FRAS1: variants seen among roughly 807,000 people sequenced by gnomAD.
FRAS1 encodes extracellular matrix organizing protein FRAS1.
FRAS1 carries 290 observed loss-of-function variants against 435.2 expected under a neutral mutation model. The observed-to-expected ratio is 0.67, with a 90% confidence interval of 0.61 to 0.73. The LOEUF (loss-of-function observed/expected upper bound fraction) is 0.73. FRAS1 is among the 30% of genes least tolerant of loss of function. The pLI, the probability that FRAS1 is intolerant of heterozygous loss-of-function variation, is 0.00. For synonymous variants in FRAS1, 1,800 were observed against 1,851.0 expected (o/e 0.97, Z 0.71); for missense variants, 4,860 against 5,001.5 (o/e 0.97, Z 0.85).
chr4:78,112,443 G>C (rs1398154219), intron 2 of FRAS1, among the ~76,000 whole-genome samples: 1 of 152,036 alleles, frequency 6.6e-6, no homozygotes, highest in Non-Finnish European at 1.5e-5. Context: ...GAGCTTTTCT[G>C]TTAGGTGACT....
At chr4:78,131,211 T>C (rs1005356971) in intron 2 of FRAS1, among the ~76,000 whole-genome samples, 2 of 152,182 alleles carry the variant, frequency 1.3e-5, no homozygotes, top group Non-Finnish European at 2.9e-5. Flanking sequence ...TATGTATATA[T>C]GCACATATAT....
chr4:78,346,351 G>A (rs1730604900), intron 20 of FRAS1, among the ~76,000 whole-genome samples: 2 of 152,188 alleles, frequency 1.3e-5, no homozygotes, highest in Admixed American at 6.5e-5. Context: ...AGTTGGTCCT[G>A]TGATTAGTAC....
intron 71 of FRAS1, among the ~76,000 whole-genome samples, chr4:78,535,850 G>A (rs1355194150): frequency 6.6e-6 from 1 of 152,064 alleles, no homozygotes; most frequent in Non-Finnish European, 1.5e-5. Context: ...TCCTCAGCAC[G>A]GTTTGTCTAT....
intron 1 of FRAS1, among the ~76,000 whole-genome samples, chr4:78,060,455 CAGAG>C (rs1435123097): frequency 6.6e-6 from 1 of 152,184 alleles, no homozygotes; most frequent in Non-Finnish European, 1.5e-5. Context: ...TCTCAGTGCA[CAGAG>C]AGAACAATTG....
chr4:78,193,657 A>G (rs1180021596), intron 2 of FRAS1, among the ~76,000 whole-genome samples: 4 of 152,104 alleles, frequency 2.6e-5, no homozygotes, highest in Non-Finnish European at 5.9e-5. Context: ...TTTTGAGCCT[A>G]TGTGTGTCCC....
At chr4:78,284,616 T>A (rs1214311382) in intron 13 of FRAS1, 68 bp downstream of exon 13, 5 of 1,431,608 alleles carry the variant, frequency 3.5e-6, no homozygotes, top group South Asian at 1.5e-5. Flanking sequence ...AGGTTGTGAT[T>A]CTTAAACTGA....
intron 2 of FRAS1, among the ~76,000 whole-genome samples, chr4:78,152,607 CTTT>C (rs71214398): frequency 0.031 from 2,228 of 72,374 alleles, 35 homozygotes; most frequent in African/African-American, 0.097. Context: ...ATGTAGGCTG[CTTT>C]TTTTTTTTTT....
rs1046311239 is a variant in FRAS1 at position 78,183,072 on chromosome 4, A to T, written c.109-54438A>T. On this transcript the variant is annotated intron_variant, in intron 2 of 73. Coordinates refer to ENST00000512123, the MANE Select transcript of FRAS1 (RefSeq NM_025074.7). ...TAAGACAGGAGGAAAACCAGGAGAG[A>T]GCAATGCCGCAGAAGTCTCTGATGT... Among the ~76,000 whole-genome samples the T allele has an allele frequency of 2.0e-5, 3 of 152,192 alleles. No homozygotes were observed. In the East Asian group the frequency reaches 5.8e-4, roughly 29 times the overall value.
At chr4:78,336,583 T>C (rs141942652) in intron 19 of FRAS1, among the ~76,000 whole-genome samples, 6 of 152,258 alleles carry the variant, frequency 3.9e-5, no homozygotes, top group African/African-American at 1.4e-4. Context: ...GCCTCAGGAA[T>C]GTAGGAGGGG....
intron 42 of FRAS1, chr4:78,446,474 T>C (rs1051998206): frequency 2.9e-5 from 37 of 1,279,048 alleles, no homozygotes; most frequent in Admixed American, 4.1e-5. Context: ...GAAAATATGG[T>C]CATTGTACTT....
chr4:78,201,247 A>C (rs752509506), intron 2 of FRAS1, among the ~76,000 whole-genome samples: 16 of 152,216 alleles, frequency 1.1e-4, no homozygotes, highest in Non-Finnish European at 2.2e-4. Flanking sequence ...ACTTTGATGA[A>C]ATGCTTATTT....
intron 4 of FRAS1, among the ~76,000 whole-genome samples, chr4:78,250,553 A>G (rs1725485624): frequency 6.6e-6 from 1 of 152,218 alleles, no homozygotes; most frequent in Non-Finnish European, 1.5e-5. Flanking sequence ...TGAAATTAGT[A>G]GGTCAAGGCA....
At chr4:78,457,982 A>G (rs1034261106) in intron 47 of FRAS1, among the ~76,000 whole-genome samples, 1 of 152,192 alleles carries the variant, frequency 6.6e-6, no homozygotes, top group African/African-American at 2.4e-5. Context: ...AAATGGAGGG[A>G]CAGCATCATG....
intron 70 of FRAS1, among the ~76,000 whole-genome samples, chr4:78,527,963 T>C (rs1560427201): frequency 1.3e-5 from 2 of 152,036 alleles, no homozygotes; most frequent in Admixed American, 1.3e-4. Flanking sequence ...GGGCTGGCCA[T>C]AGCTGGAAGC....
intron 2 of FRAS1, among the ~76,000 whole-genome samples, chr4:78,194,485 T>C (rs1169139825): frequency 6.6e-6 from 1 of 152,234 alleles, no homozygotes; most frequent in Non-Finnish European, 1.5e-5. Flanking sequence ...TTATTCTTTT[T>C]TCTCTAAACT....
chr4:78,121,022 G>A (rs181566293), intron 2 of FRAS1, among the ~76,000 whole-genome samples: 9 of 152,276 alleles, frequency 5.9e-5, no homozygotes, highest in African/African-American at 2.2e-4. Context: ...TAGGTAGAAT[G>A]GTCCTTTGAT....
intron 30 of FRAS1, 91 bp from the exon 31 acceptor site, chr4:78,407,572 A>T: frequency 1.0e-6 from 1 of 980,014 alleles, no homozygotes; most frequent in South Asian, 1.9e-5. Flanking sequence ...ATTTCTTTCT[A>T]GTTAAAAAAA....
In FRAS1 at chr4:78,363,822, T is replaced by A. The variant is rs1046102176; in HGVS notation, c.2576-86T>A. 23 of 1,486,234 alleles carry A rather than the reference T, an allele frequency of 1.5e-5. 1 individual carries two copies. The African/African-American group carries it at 2.2e-4, about 14-fold the overall frequency. The allele number at this position is 1,486,234 out of a possible 1,614,324, so 92.1% of individuals were successfully genotyped here. A position where few individuals can be genotyped will look rare whatever the true frequency, so the allele number is the denominator to read the frequency against. On this transcript the variant is annotated intron_variant, in intron 21 of 73. Coordinates refer to ENST00000512123, the MANE Select transcript of FRAS1 (RefSeq NM_025074.7). The stretch of plus-strand genomic sequence containing the variant: ...CCAGACTTGCCAATGTTCTCAGTGT[T>A]GGGACTTTATTACCCACACTTGGGG...
At chr4:78,432,640 G>T (rs140184085) in intron 38 of FRAS1, 36 bp downstream of exon 38, 1 of 1,522,730 alleles carries the variant, frequency 6.6e-7, no homozygotes, top group South Asian at 1.4e-5. Context: ...GTTCTCCACC[G>T]CCGCATCTTC....
Sources: gnomAD v4.1 joint callset for allele counts (sites outside exome capture counted in the v4.1 genomes callset) on GRCh38, gnomAD v4.1.1 for gene constraint, MANE v1.5 for transcripts, NCBI Gene and HGNC (gene_info 2026-07-23, HGNC 2026-07-21) for gene names.